The following EPHB6 variants were observed in gnomAD, a reference collection of about 807,000 sequenced individuals.
EPHB6 encodes EPH receptor B6.
A neutral mutation model predicts 107.0 loss-of-function variants in EPHB6; 51 were observed. That is an observed-to-expected ratio of 0.48 (90% confidence interval 0.38 to 0.60). The LOEUF (loss-of-function observed/expected upper bound fraction) is 0.60, where lower values mean the gene tolerates loss of function less well. Ranked by LOEUF, EPHB6 falls within the 20% of genes least tolerant of loss-of-function variation. EPHB6 has a pLI of 0.00. For synonymous variants in EPHB6, 553 were observed against 549.0 expected (o/e 1.01, Z -0.10); for missense variants, 1,141 against 1,355.5 (o/e 0.84, Z 2.48).
chr7:142,870,940 G>T lies in EPHB6; in HGVS notation c.*36G>T. On this transcript the variant is annotated 3_prime_UTR_variant, in exon 20 of 20. Transcript: ENST00000652003. The stretch of plus-strand genomic sequence containing the variant: ...ACCCGTGACTCAGCCCTGGACACTG[G>T]TCCGAGAAGGGACATGTGGGACGTG... The T allele has an allele frequency of 6.3e-7, 1 of 1,588,510 alleles. No homozygotes were observed. The highest frequency in any genetic ancestry group is 8.6e-7 in the Non-Finnish European group (1 of 1,167,212).
Position 142,864,670 on chromosome 7 carries a change from G to A in EPHB6, c.870G>A (p.Glu290=), listed in dbSNP as rs2116427943. The A allele has an allele frequency of 6.2e-7, 1 of 1,612,974 alleles. No individual in the cohort carries two copies. The highest frequency in any genetic ancestry group is 8.5e-7 in the Non-Finnish European group (1 of 1,179,982). ...CCCCCAGGCTGCACTGCAACGGGGA[G>A]GGCAAGTGGATGGTAGCTGTCGGGG... is the stretch of plus-strand genomic sequence containing the variant. The part of the protein sequence containing the change: ...GSPPRLHCNG[E]GKWMVAVGGC... Residue 290 remains glutamate (E), a synonymous_variant, in exon 7 of 20, where the codon GAG becomes GAA. Transcript: ENST00000652003.
At chr7:142,858,286 T>C (rs561572207) in intron 1 of EPHB6, among the ~76,000 whole-genome samples, 1 of 152,260 alleles carries the variant, frequency 6.6e-6, no homozygotes, top group South Asian at 2.1e-4. Context: ...AAAATTCACT[T>C]TGTGGATTGA....
intron 7 of EPHB6, 35 bp from the exon 8 acceptor site, chr7:142,865,440 G>A (rs371254539): frequency 1.1e-4 from 178 of 1,611,584 alleles, no homozygotes; most frequent in Non-Finnish European, 1.3e-4. Flanking sequence ...TGGACAGAGC[G>A]AGTGTGACGC....
intron 7 of EPHB6, among the ~76,000 whole-genome samples, chr7:142,865,211 G>T (rs770568858): frequency 6.6e-6 from 1 of 152,200 alleles, no homozygotes; most frequent in East Asian, 1.9e-4. Context: ...CAATAAGCTG[G>T]GAACACCCAC....
intron 4 of EPHB6, 137 bp downstream of exon 4, chr7:142,862,970 C>T: frequency 1.8e-6 from 1 of 547,202 alleles, no homozygotes; most frequent in Non-Finnish European, 3.3e-6. Flanking sequence ...TCAGGAGAGG[C>T]AGTATGCAAC....
chr7:142,866,294 C>T lies in EPHB6; in HGVS notation c.1440C>T (p.Ile480=). The part of the protein sequence containing the change: ...LSPDPPQAAA[I]NVSTSHEVPS... ...CTGACCCTCCTCAGGCTGCAGCCAT[C>T]AATGTCAGCACCAGCCATGAAGGTG... The change falls in exon 9 of 20, where the codon ATC becomes ATT. Residue 480 remains isoleucine, a synonymous_variant. Coordinates refer to ENST00000652003, the MANE Select transcript of EPHB6 (RefSeq NM_004445.6). This position sits in a 1 kb window ranked among gnomAD's most constrained non-coding sequence, Gnocchi z 5.2. The T allele has an allele frequency of 1.2e-6, 2 of 1,614,006 alleles. No homozygotes were observed. Among genetic ancestry groups the T allele is most frequent in the Non-Finnish European group, 1.7e-6 (2 of 1,180,000 alleles).
chr7:142,867,830 C>A lies in EPHB6; in HGVS notation c.1865+108C>A. The A allele has an allele frequency of 7.0e-7, 1 of 1,423,020 alleles. No homozygotes were observed. The highest frequency in any genetic ancestry group is 2.5e-5 in the East Asian group (1 of 40,374). 88.1% of individuals were successfully genotyped at this position (1,423,020 alleles called of 1,614,324 possible). ...CTGCAGAAACCTCACACTGGTGCTC[C>A]TCCCGTCAGCCAGCCCCTGCCCTGG... On this transcript the variant is annotated intron_variant, in intron 12 of 19. Transcript: ENST00000652003. The surrounding 1 kb of genome is among the most constrained non-coding windows in gnomAD (Gnocchi z 5.3).
chr7:142,870,186 A>G, intron 17 of EPHB6, 28 bp from the exon 18 acceptor site: 2 of 1,613,916 alleles, frequency 1.2e-6, no homozygotes, highest in Non-Finnish European at 1.7e-6. Flanking sequence ...AAAACTTCCC[A>G]TCGTCATAGT....
At position 142,868,663 on chromosome 7, in the gene EPHB6, G is replaced by A. The variant is rs1170965399; in HGVS notation, c.2210G>A (p.Gly737Asp). 2.5e-6 allele frequency: 4 copies of A among 1,613,848 alleles called. No homozygotes were observed. Among genetic ancestry groups the A allele is most frequent in the Non-Finnish European group, 3.4e-6 (4 of 1,180,036 alleles). The change falls in exon 15 of 20, where the codon GGC becomes GAC. Residue 737 changes from glycine to aspartate, a missense_variant. Gly to Asp is a moderately conservative substitution (Grantham distance 94). Transcript: ENST00000652003. This position sits in a 1 kb window ranked among gnomAD's most constrained non-coding sequence, Gnocchi z 4.2. ...CACCCCAACATCCTGCGGCTGGAGGGCGTGGTCACCAAGAGCCGACCCCTC... is the reference window on the plus strand; with the variant it reads ...CACCCCAACATCCTGCGGCTGGAGGACGTGGTCACCAAGAGCCGACCCCTC... ...FQHPNILRLE[G>D]VVTKSRPLMV...
Position 142,864,108 on chromosome 7 carries a change from C to G in EPHB6, c.308C>G (p.Ala103Gly), listed in dbSNP as rs756659047. 3.1e-6 allele frequency: 5 copies of G among 1,614,012 alleles called. No homozygotes were observed. The East Asian group carries it at 1.1e-4, about 36-fold the overall frequency. Residue 103 changes from alanine to glycine, a missense_variant, in exon 7 of 20, where the codon GCG (alanine) becomes GGG (glycine). Coordinates refer to ENST00000652003, the MANE Select transcript of EPHB6 (RefSeq NM_004445.6). ...HFVERRGAQR[A>G]HIRLHFSVRA... ...GTGGAGCGGCGCGGGGCCCAGAGGG[C>G]GCACATTCGACTCCACTTCTCTGTG...
chr7:142,870,749 G>A, intron 19 of EPHB6, 47 bp from the exon 20 acceptor site: 1 of 1,614,154 alleles, frequency 6.2e-7, no homozygotes, highest in Non-Finnish European at 8.5e-7. Flanking sequence ...TCGTATTGGG[G>A]ATCTCGGAGA....
At position 142,865,726 on chromosome 7, in the gene EPHB6, G is replaced by A. The variant is rs1012902406; in HGVS notation, c.1105+96G>A. 7.2e-5 allele frequency: 110 copies of A among 1,519,642 alleles called. No individual in the cohort carries two copies. The Middle Eastern group carries it at 9.0e-4, about 12-fold the overall frequency. 94.1% of individuals were successfully genotyped at this position (1,519,642 alleles called of 1,614,324 possible). A position where few individuals can be genotyped will look rare whatever the true frequency, so the allele number is the denominator to read the frequency against. On this transcript the variant is annotated intron_variant, in intron 8 of 19. Coordinates refer to ENST00000652003, the MANE Select transcript of EPHB6 (RefSeq NM_004445.6). ...ACACTGGGGGCTCTTTGCATTTGGA[G>A]TGACTTGTTTTTCCCCTATTTTCTT...
rs185122724 is a variant in EPHB6, at chr7:142,863,541, G to A, written c.101-90G>A. 2.4e-4 allele frequency: 362 copies of A among 1,483,458 alleles called. 1 individual carries two copies. In the Middle Eastern group the frequency reaches 4.3e-3, roughly 18 times the overall value. 91.9% of individuals were successfully genotyped at this position (1,483,458 alleles called of 1,614,324 possible). A position where few individuals can be genotyped will look rare whatever the true frequency, so the allele number is the denominator to read the frequency against. On this transcript the variant is annotated intron_variant, in intron 5 of 19. Coordinates refer to ENST00000652003, the MANE Select transcript of EPHB6 (RefSeq NM_004445.6). The stretch of plus-strand genomic sequence containing the variant: ...TGGCAAAGACATGGGCCCGGGTGGG[G>A]CATTCTTTTGTTCGCGGTGGGAATA...
chr7:142,868,935 T>A lies in EPHB6; in HGVS notation c.2287-39T>A. 3 of 1,600,192 alleles carry A rather than the reference T, an allele frequency of 1.9e-6. No homozygotes were observed. Among genetic ancestry groups the A allele is most frequent in the Non-Finnish European group, 2.5e-6 (3 of 1,177,658 alleles). ...CAGTATGTTGAGGTCTCCCCCTGTC[T>A]CCGATCACTGACCTCTGCCCCCTGC... On this transcript the variant is annotated intron_variant, in intron 15 of 19. Coordinates refer to ENST00000652003, the MANE Select transcript of EPHB6 (RefSeq NM_004445.6). This position sits in a 1 kb window ranked among gnomAD's most constrained non-coding sequence, Gnocchi z 4.2.
rs1794664277 is a variant in EPHB6 at position 142,867,475 on chromosome 7, G to T, written c.1751-133G>T. The T allele has an allele frequency of 2.7e-6, 2 of 749,206 alleles. No homozygotes were observed. The highest frequency in any genetic ancestry group is 4.7e-6 in the Non-Finnish European group (2 of 427,208). The allele number at this position is 749,206 out of a possible 1,614,324, so 46.4% of individuals were successfully genotyped here. A position where few individuals can be genotyped will look rare whatever the true frequency, so the allele number is the denominator to read the frequency against. On this transcript the variant is annotated intron_variant, in intron 11 of 19. Coordinates refer to ENST00000652003, the MANE Select transcript of EPHB6 (RefSeq NM_004445.6). The surrounding 1 kb of genome is among the most constrained non-coding windows in gnomAD (Gnocchi z 5.3). ...GTGTGTGTGTGTTGTGTGTCCCTGT[G>T]CATGGATGTGGGAGGTTTGGGGCAT...
Position 142,869,171 on chromosome 7 carries a change from C to T in EPHB6, c.2460+24C>T. The T allele has an allele frequency of 6.2e-7, 1 of 1,606,446 alleles. No individual in the cohort carries two copies. Among genetic ancestry groups the T allele is most frequent in the Non-Finnish European group, 8.5e-7 (1 of 1,175,556 alleles). On this transcript the variant is annotated intron_variant, in intron 16 of 19. Transcript: ENST00000652003. This position sits in a 1 kb window ranked among gnomAD's most constrained non-coding sequence, Gnocchi z 4.5. ...AGGTGAGAGCACAGCCTTGGGGACA[C>T]AGCCTGGGGCCTTGTGGCATGCCCC... is the stretch of plus-strand genomic sequence containing the variant.
In EPHB6 at chr7:142,866,756, G is replaced by A; in HGVS notation, c.1588-150G>A. 6.3e-7 allele frequency: 1 copy of A among 1,576,610 alleles called. No homozygotes were observed. The highest frequency in any genetic ancestry group is 8.7e-7 in the Non-Finnish European group (1 of 1,151,318). On this transcript the variant is annotated intron_variant, in intron 10 of 19. Transcript: ENST00000652003. This position sits in a 1 kb window ranked among gnomAD's most constrained non-coding sequence, Gnocchi z 5.2. ...ACAGTCCCCACAGTAGGGGCCAGAG[G>A]CTGAATGGGCAAGGAGAGGTGCCCA...
Position 142,855,515 on chromosome 7 carries a change from G to A in EPHB6, c.-432+130G>A, listed in dbSNP as rs189632494. 1.3e-5 allele frequency: 2 copies of A among 152,486 alleles called. No homozygotes were observed. The highest frequency in any genetic ancestry group is 2.9e-5 in the Non-Finnish European group (2 of 68,190). 9.4% of individuals were successfully genotyped at this position (152,486 alleles called of 1,614,324 possible). On this transcript the variant is annotated intron_variant, in intron 1 of 19. Coordinates refer to ENST00000652003, the MANE Select transcript of EPHB6 (RefSeq NM_004445.6). This position sits in a 1 kb window ranked among gnomAD's most constrained non-coding sequence, Gnocchi z 4.2. The stretch of plus-strand genomic sequence containing the variant: ...GGTGGCTTCCTGAGGGAGTACTGAG[G>A]ATCCTTCCTCAAGGCCAGAGTGGGG...
chr7:142,867,524 G>C lies in EPHB6; in HGVS notation c.1751-84G>C. Reference sequence around the variant, plus strand: ...ATGCGCGTGCATGTTGTGTGTGCCTGTGGTGTGTGTGGGTGCCTGGGCACA... The same window carrying C: ...ATGCGCGTGCATGTTGTGTGTGCCTCTGGTGTGTGTGGGTGCCTGGGCACA... On this transcript the variant is annotated intron_variant, in intron 11 of 19. Coordinates refer to ENST00000652003, the MANE Select transcript of EPHB6 (RefSeq NM_004445.6). The surrounding 1 kb of genome is among the most constrained non-coding windows in gnomAD (Gnocchi z 5.3). The C allele has an allele frequency of 8.7e-7, 1 of 1,145,348 alleles. No individual in the cohort carries two copies. The highest frequency in any genetic ancestry group is 1.3e-6 in the Non-Finnish European group (1 of 779,050). The allele number at this position is 1,145,348 out of a possible 1,614,324, so 70.9% of individuals were successfully genotyped here.
Sources: gnomAD v4.1 joint callset for allele counts (sites outside exome capture counted in the v4.1 genomes callset) on GRCh38, gnomAD v4.1.1 for gene constraint, Gnocchi (gnomAD v3.1) non-coding constraint, MANE v1.5 for transcripts, NCBI Gene and HGNC (gene_info 2026-07-23, HGNC 2026-07-21) for gene names.